CADM2: variants seen among roughly 807,000 people sequenced by gnomAD.
CADM2 encodes the protein cell adhesion molecule 2, also known as immunoglobulin superfamily member 4D.
A neutral mutation model predicts 49.8 loss-of-function variants in CADM2; 12 were observed. That is an observed-to-expected ratio of 0.24 (90% CI 0.15 to 0.39). The LOEUF is 0.39. CADM2 is among the 10% of genes least tolerant of loss of function. CADM2 has a pLI of 1.00. For missense variants in CADM2, 378 were observed against 492.3 expected (o/e 0.77, Z 2.20); for synonymous variants, 214 against 175.4 (o/e 1.22, Z -1.74).
chr3:85,861,088 G>A (rs75448990), intron 3 of CADM2, among the ~76,000 whole-genome samples: 4,483 of 152,166 alleles, frequency 0.029, 118 homozygotes, highest in East Asian at 0.047. Flanking sequence ...CAGGACAGGA[G>A]GTCATTGAAA....
chr3:85,158,191 A>G (rs2040201176), intron 1 of CADM2, among the ~76,000 whole-genome samples: 5 of 152,196 alleles, frequency 3.3e-5, no homozygotes, highest in Admixed American at 3.3e-4. Context: ...TCAGGAAACA[A>G]CAGGTGCTGG....
At chr3:85,191,696 A>G (rs2041212082) in intron 1 of CADM2, among the ~76,000 whole-genome samples, 1 of 152,156 alleles carries the variant, frequency 6.6e-6, no homozygotes, top group African/African-American at 2.4e-5. Flanking sequence ...AAACAAAGGA[A>G]TAAGTGAGTG....
intron 1 of CADM2, among the ~76,000 whole-genome samples, chr3:85,260,756 G>A (rs1414440760): frequency 6.6e-6 from 1 of 152,102 alleles, no homozygotes; most frequent in Non-Finnish European, 1.5e-5. Context: ...TCATCTTAAA[G>A]CTATTCTAAA....
chr3:85,821,710 T>C (rs1442835916), intron 3 of CADM2, among the ~76,000 whole-genome samples: 2 of 152,178 alleles, frequency 1.3e-5, no homozygotes, highest in South Asian at 2.1e-4. Flanking sequence ...ACCTTATTCA[T>C]GGAACTTTGT....
chr3:86,007,950 A>G (rs1276307896), intron 8 of CADM2, among the ~76,000 whole-genome samples: 2 of 152,190 alleles, frequency 1.3e-5, no homozygotes, highest in African/African-American at 4.8e-5. Context: ...AAACAGATCA[A>G]AATACAGCTA....
intron 1 of CADM2, among the ~76,000 whole-genome samples, chr3:85,345,706 T>A (rs1053863749): frequency 6.6e-6 from 1 of 152,200 alleles, no homozygotes; most frequent in Non-Finnish European, 1.5e-5. Context: ...AAAGCACGAT[T>A]GGGTTGGTTC....
chr3:85,832,780 T>C (rs1189743366), intron 3 of CADM2, among the ~76,000 whole-genome samples: 2 of 151,928 alleles, frequency 1.3e-5, no homozygotes, highest in Admixed American at 6.6e-5. Context: ...TATTTTTCTA[T>C]TTGGATACCT....
chr3:85,420,629 G>A (rs2036128287), intron 1 of CADM2, among the ~76,000 whole-genome samples: 2 of 152,026 alleles, frequency 1.3e-5, no homozygotes, highest in African/African-American at 2.4e-5. Context: ...CTCAAACCAA[G>A]ACAAAGTATT....
At chr3:85,007,839 G>C (rs988758549) in intron 1 of CADM2, among the ~76,000 whole-genome samples, 2 of 152,092 alleles carry the variant, frequency 1.3e-5, no homozygotes, top group Admixed American at 6.6e-5. Flanking sequence ...TAATTTCGAG[G>C]GAGTGAGATG....
chr3:85,163,652 T>C (rs1474798272), intron 1 of CADM2, among the ~76,000 whole-genome samples: 1 of 152,086 alleles, frequency 6.6e-6, no homozygotes, highest in Admixed American at 6.6e-5. Context: ...TGTTAAAACA[T>C]AAAGACTATG....
chr3:85,766,980 C>T (rs2069687901), intron 2 of CADM2, among the ~76,000 whole-genome samples: 1 of 152,112 alleles, frequency 6.6e-6, no homozygotes. Context: ...GCAGCTCCCA[C>T]AGGGTATGAA....
At position 85,280,886 on chromosome 3, in the gene CADM2, T is replaced by C. The variant is rs145400315; in HGVS notation, c.61+321218T>C. Reference sequence around the variant, plus strand: ...CAAAGATATACTTTAAGGAAAGAATTTGAAAATGCACTCCATATAAAAACC... The same window carrying C: ...CAAAGATATACTTTAAGGAAAGAATCTGAAAATGCACTCCATATAAAAACC... On this transcript the variant is annotated intron_variant, in intron 1 of 9. Coordinates refer to ENST00000383699, the MANE Select transcript of CADM2 (RefSeq NM_001167675.2). Among the ~76,000 whole-genome samples the C allele has an allele frequency of 2.5e-4, 38 of 151,864 alleles. No homozygotes were observed. The East Asian group carries it at 3.1e-3, about 12-fold the overall frequency.
rs1429052021 is a variant in CADM2 at position 86,069,826 on chromosome 3, A to ACTTTT, written c.*3054_*3058dup. Reference sequence around the variant, plus strand: ...CAAAATCAAGTCTAAGCGGCATTTTACTTTTCTTTTCTTTTTTATTTTCCA... The same window carrying ACTTTT: ...CAAAATCAAGTCTAAGCGGCATTTTACTTTTCTTTTCTTTTCTTTTTTATTTTCCA... On this transcript the variant is annotated 3_prime_UTR_variant, in exon 10 of 10. Coordinates refer to ENST00000383699, the MANE Select transcript of CADM2 (RefSeq NM_001167675.2). The ACTTTT allele has an allele frequency of 3.9e-5, 6 of 152,040 alleles. No individual in the cohort carries two copies. Among genetic ancestry groups the ACTTTT allele is most frequent in the East Asian group, 3.8e-4 (2 of 5,200 alleles). 9.4% of individuals were successfully genotyped at this position (152,040 alleles called of 1,614,324 possible). A position where few individuals can be genotyped will look rare whatever the true frequency, so the allele number is the denominator to read the frequency against.
chr3:85,990,073 G>C (rs1425432155), intron 8 of CADM2, among the ~76,000 whole-genome samples: 3 of 135,632 alleles, frequency 2.2e-5, no homozygotes, highest in Non-Finnish European at 4.7e-5. Flanking sequence ...TAGAAATGGT[G>C]GTAAATGGAA....
chr3:85,833,577 A>C (rs1008313441), intron 3 of CADM2, among the ~76,000 whole-genome samples: 7 of 151,642 alleles, frequency 4.6e-5, no homozygotes, highest in Middle Eastern at 3.4e-3. Context: ...GTGTGTTTCC[A>C]GAAATTTATT....
Position 85,103,781 on chromosome 3 carries a change from A to C in CADM2, c.61+144113A>C, listed in dbSNP as rs114215491. Among the ~76,000 whole-genome samples, 300 of 152,292 alleles carry C rather than the reference A, an allele frequency of 2.0e-3. 2 individuals carry two copies. The highest frequency in any genetic ancestry group is 6.9e-3 in the African/African-American group (288 of 41,566). On this transcript the variant is annotated intron_variant, in intron 1 of 9. Transcript: ENST00000383699. ...CAATATTCCAGAACGTGAGTACTTCAAGGAGTACTTGAATTAGATTGGTGG... is the reference window on the plus strand; with the variant it reads ...CAATATTCCAGAACGTGAGTACTTCCAGGAGTACTTGAATTAGATTGGTGG...
chr3:85,073,061 C>G (rs2107478306), intron 1 of CADM2, among the ~76,000 whole-genome samples: 1 of 152,184 alleles, frequency 6.6e-6, no homozygotes, highest in East Asian at 1.9e-4. Context: ...TGATGTAGCT[C>G]TAGTGTAGAG....
At chr3:85,640,764 G>GA (rs1179357394) in intron 1 of CADM2, among the ~76,000 whole-genome samples, 1 of 152,118 alleles carries the variant, frequency 6.6e-6, no homozygotes, top group East Asian at 1.9e-4. Context: ...ATAAATGAAT[G>GA]AAAAAGTACT....
In CADM2 at chr3:85,653,727, G is replaced by A. The variant is rs138420682; in HGVS notation, c.62-72795G>A. Among the ~76,000 whole-genome samples the A allele has an allele frequency of 3.2e-3, 487 of 152,160 alleles. 3 individuals are homozygous for A. The highest frequency in any genetic ancestry group is 0.011 in the African/African-American group (462 of 41,506). On this transcript the variant is annotated intron_variant, in intron 1 of 9. Coordinates refer to ENST00000383699, the MANE Select transcript of CADM2 (RefSeq NM_001167675.2). ...ATAAATGGAGTTTAAACTTATGGGC[G>A]TATACGGCATCACCTAGGGAGTGAT...
Sources: allele counts gnomAD v4.1 joint callset (sites outside exome capture counted in the v4.1 genomes callset), GRCh38; gene constraint gnomAD v4.1.1; transcripts MANE v1.5; gene names NCBI Gene and HGNC (gene_info 2026-07-23, HGNC 2026-07-21).